The following CLDN10 variants were observed in gnomAD, a reference collection of about 807,000 sequenced individuals.
CLDN10 encodes the protein claudin 10.
CLDN10 carries 15 observed loss-of-function variants against 22.9 expected under a neutral mutation model. The observed-to-expected ratio is 0.65, with a 90% confidence interval of 0.44 to 1.01. The LOEUF (loss-of-function observed/expected upper bound fraction) is 1.01, where lower values mean the gene tolerates loss of function less well. CLDN10 is among the 50% of genes least tolerant of loss of function. CLDN10 has a pLI of 0.00. For missense variants in CLDN10, 247 were observed against 287.8 expected (o/e 0.86, Z 1.03); for synonymous variants, 114 against 111.4 (o/e 1.02, Z -0.15).
chr13:95,546,227 T>G (rs1019502721), intron 1 of CLDN10, among the ~76,000 whole-genome samples: 2 of 152,196 alleles, frequency 1.3e-5, no homozygotes, highest in African/African-American at 4.8e-5. Context: ...AGATATTGAC[T>G]GTACTCTGTA....
intron 1 of CLDN10, among the ~76,000 whole-genome samples, chr13:95,535,004 G>A (rs1329656654): frequency 2.0e-5 from 3 of 152,026 alleles, no homozygotes; most frequent in Non-Finnish European, 4.4e-5. Flanking sequence ...GGTCTATTGG[G>A]GGAGGAAAGA....
At chr13:95,543,965 C>T (rs1228401375) in intron 1 of CLDN10, among the ~76,000 whole-genome samples, 1 of 152,078 alleles carries the variant, frequency 6.6e-6, no homozygotes, top group Admixed American at 6.5e-5. Flanking sequence ...GAAGATTATA[C>T]TCAAAAGAGC....
At chr13:95,437,260 T>C (rs1233630719) in intron 1 of CLDN10, among the ~76,000 whole-genome samples, 7 of 152,200 alleles carry the variant, frequency 4.6e-5, no homozygotes, top group Non-Finnish European at 2.9e-5. Context: ...AGAGGCCACC[T>C]TCAACTGTCA....
In CLDN10 at chr13:95,562,559, A is replaced by G. The variant is rs374803469; in HGVS notation, c.464+2096A>G. ...TCAAATGAGATTTGCACAGATGTAC[A>G]TGGCAGGAAACATTGAAATAAAAAC... On this transcript the variant is annotated intron_variant, in intron 3 of 4. Transcript: ENST00000299339. Among the ~76,000 whole-genome samples, 5 of 152,358 alleles carry G rather than the reference A, an allele frequency of 3.3e-5. No homozygotes were observed. In the East Asian group the frequency reaches 7.7e-4, roughly 24 times the overall value.
intron 1 of CLDN10, among the ~76,000 whole-genome samples, chr13:95,460,859 A>G (rs2042529736): frequency 6.6e-6 from 1 of 152,126 alleles, no homozygotes; most frequent in African/African-American, 2.4e-5. Flanking sequence ...CTGTAATCTC[A>G]GCATTTTGGG....
intron 1 of CLDN10, among the ~76,000 whole-genome samples, chr13:95,491,598 G>T (rs1223932087): frequency 6.6e-6 from 1 of 151,624 alleles, no homozygotes; most frequent in African/African-American, 2.4e-5. Flanking sequence ...CTTTTGCATT[G>T]GGCTTCTCCT....
intron 1 of CLDN10, among the ~76,000 whole-genome samples, chr13:95,448,695 A>G (rs2042404265): frequency 7.4e-6 from 1 of 134,738 alleles, no homozygotes; most frequent in Non-Finnish European, 1.7e-5. Flanking sequence ...CCATCACATC[A>G]TCATCTTTGT....
At chr13:95,555,497 T>C (rs2043626517) in intron 1 of CLDN10, among the ~76,000 whole-genome samples, 1 of 152,238 alleles carries the variant, frequency 6.6e-6, no homozygotes, top group Non-Finnish European at 1.5e-5. Flanking sequence ...CTTTGTGGTT[T>C]CGATGATTTG....
intron 1 of CLDN10, among the ~76,000 whole-genome samples, chr13:95,508,728 A>G (rs2043065426): frequency 6.6e-6 from 1 of 152,162 alleles, no homozygotes; most frequent in Admixed American, 6.5e-5. Context: ...TTTCGAGGTG[A>G]TTGTTAACTG....
chr13:95,525,168 C>G (rs1347249417), intron 1 of CLDN10, among the ~76,000 whole-genome samples: 15 of 152,078 alleles, frequency 9.9e-5, no homozygotes, highest in Non-Finnish European at 2.2e-4. Flanking sequence ...TATTTGTACT[C>G]TTTTAAATTA....
chr13:95,508,896 T>C (rs968528070), intron 1 of CLDN10, among the ~76,000 whole-genome samples: 1 of 152,228 alleles, frequency 6.6e-6, no homozygotes, highest in Non-Finnish European at 1.5e-5. Flanking sequence ...TCATAAGGCC[T>C]TGTGGGTTGA....
At chr13:95,469,899 T>C (rs931194429) in intron 1 of CLDN10, among the ~76,000 whole-genome samples, 1 of 152,242 alleles carries the variant, frequency 6.6e-6, no homozygotes, top group Admixed American at 6.5e-5. Flanking sequence ...GTATCTGGTA[T>C]GATCTGAAAG....
intron 3 of CLDN10, among the ~76,000 whole-genome samples, chr13:95,576,696 T>G (rs926070773): frequency 3.9e-5 from 6 of 152,194 alleles, no homozygotes; most frequent in Non-Finnish European, 8.8e-5. Flanking sequence ...TCACCTGCCA[T>G]ATGGGAGATC....
At chr13:95,526,379 G>A (rs1369173524) in intron 1 of CLDN10, among the ~76,000 whole-genome samples, 1 of 152,084 alleles carries the variant, frequency 6.6e-6, no homozygotes, top group Non-Finnish European at 1.5e-5. Context: ...GACTGTAGAC[G>A]GACTTGTCCA....
intron 1 of CLDN10, among the ~76,000 whole-genome samples, chr13:95,508,064 G>A (rs2043057356): frequency 6.6e-6 from 1 of 151,826 alleles, no homozygotes; most frequent in Non-Finnish European, 1.5e-5. Context: ...CTCCAGCCTG[G>A]GTGACAGAGC....
chr13:95,464,329 C>T (rs531945187), intron 1 of CLDN10, among the ~76,000 whole-genome samples: 2 of 152,190 alleles, frequency 1.3e-5, no homozygotes, highest in South Asian at 2.1e-4. Context: ...TCAATTCCCA[C>T]CTATGAGTGA....
intron 1 of CLDN10, among the ~76,000 whole-genome samples, chr13:95,462,153 GT>G (rs2042542144): frequency 6.6e-6 from 1 of 152,102 alleles, no homozygotes; most frequent in Non-Finnish European, 1.5e-5. Flanking sequence ...GAAGAATTTT[GT>G]TGGGTAAAGC....
chr13:95,535,012 A>G (rs1249246686), intron 1 of CLDN10, among the ~76,000 whole-genome samples: 1 of 152,124 alleles, frequency 6.6e-6, no homozygotes, highest in African/African-American at 2.4e-5. Flanking sequence ...GGGGGAGGAA[A>G]GAGTTTTTTT....
At chr13:95,514,396 ACCCAC>A (rs1336437710) in intron 1 of CLDN10, among the ~76,000 whole-genome samples, 1 of 71,596 alleles carries the variant, frequency 1.4e-5, no homozygotes, top group African/African-American at 5.1e-5. Flanking sequence ...CACCTACCCC[ACCCAC>A]CCCACCCTCA....
Sources: gnomAD v4.1 joint callset for allele counts (sites outside exome capture counted in the v4.1 genomes callset) on GRCh38, gnomAD v4.1.1 for gene constraint, MANE v1.5 for transcripts, NCBI Gene and HGNC (gene_info 2026-07-23, HGNC 2026-07-21) for gene names.